The following URB2 variants were observed in gnomAD, a reference collection of about 807,000 sequenced individuals.
The protein encoded by URB2 is unhealthy ribosome biogenesis protein 2 homolog.
Under a neutral mutation model 120.9 loss-of-function variants are expected in URB2, and 86 were observed. That is an observed-to-expected ratio of 0.71 (90% CI 0.60 to 0.85). The LOEUF is 0.85. Ranked by LOEUF, URB2 falls within the 40% of genes least tolerant of loss-of-function variation. The pLI is 0.00. For synonymous variants in URB2, 755 were observed against 758.4 expected (o/e 1.00, Z 0.07); for missense variants, 1,765 against 1,836.5 (o/e 0.96, Z 0.71).
chr1:229,637,532 T>A lies in URB2; in HGVS notation c.2919T>A (p.Val973=). ...TGTATGGTAGTGATATTTTTGAGGT[T>A]GTACTGACCTCATTGTTCAGAGCTA... The part of the protein sequence containing the change: ...KIMYGSDIFE[V]VLTSLFRASS... The change falls in exon 4 of 10, where the codon GTT becomes GTA. Residue 973 remains valine, a synonymous_variant. Transcript: ENST00000258243. The A allele has an allele frequency of 6.2e-7, 1 of 1,614,230 alleles. No individual in the cohort carries two copies. The highest frequency in any genetic ancestry group is 1.1e-5 in the South Asian group (1 of 91,086).
At position 229,635,842 on chromosome 1, in the gene URB2, G is replaced by A. The variant is rs139241970; in HGVS notation, c.1229G>A (p.Arg410His). Reference protein sequence around the residue: ...HAQAPIPAWFRCLKTLISLNH... With the variant: ...HAQAPIPAWFHCLKTLISLNH... ...CAAGCACCCATACCGGCCTGGTTCC[G>A]CTGTCTGAAGACTTTGATATCTCTG... is the stretch of plus-strand genomic sequence containing the variant. Residue 410 changes from arginine to histidine, a missense_variant, in exon 4 of 10, where the codon CGC becomes CAC. By Grantham distance (29) the Arg-to-His change is conservative (BLOSUM62 0). Transcript: ENST00000258243. 128 of 1,613,960 alleles carry A rather than the reference G, an allele frequency of 7.9e-5. No individual in the cohort carries two copies. The highest frequency in any genetic ancestry group is 1.0e-4 in the Non-Finnish European group (122 of 1,179,964).
chr1:229,634,752 G>A (rs1305078051), intron 3 of URB2, among the ~76,000 whole-genome samples, 165 bp from the exon 4 acceptor site: 6 of 152,138 alleles, frequency 3.9e-5, no homozygotes, highest in Non-Finnish European at 8.8e-5. Flanking sequence ...TTATTTTGAT[G>A]CACTAAGCTT....
rs765784205 is a variant in URB2 at position 229,635,660 on chromosome 1, C to T, written c.1047C>T (p.Ser349=). The T allele has an allele frequency of 5.0e-6, 8 of 1,614,126 alleles. No individual in the cohort carries two copies. In the South Asian group the frequency reaches 8.8e-5, roughly 18 times the overall value. ...AGGAGGAGCAGAGCAAAGCCCTGTC[C>T]ACATCAGATTGGACCACAGAGCTTT... The part of the protein sequence containing the change: ...HLQEEQSKAL[S]TSDWTTELLV... The change falls in exon 4 of 10, where the codon TCC becomes TCT. Residue 349 remains serine, a synonymous_variant. Transcript: ENST00000258243.
chr1:229,647,606 G>A lies in URB2; in HGVS notation c.4003G>A (p.Glu1335Lys). 1 of 1,614,174 alleles carries A rather than the reference G, an allele frequency of 6.2e-7. No homozygotes were observed. Among genetic ancestry groups the A allele is most frequent in the South Asian group, 1.1e-5 (1 of 91,072 alleles). The change falls in exon 7 of 10, where the codon GAG becomes AAG. Residue 1335 changes from glutamate to lysine, a missense_variant. Glu to Lys is a moderately conservative substitution (Grantham distance 56). Coordinates refer to ENST00000258243, the MANE Select transcript of URB2 (RefSeq NM_014777.4). ...VLAALLRQGE[E>K]AIGNPHHVSL... ...GGCTGCACTGCTGCGGCAGGGGGAG[G>A]AGGCCATCGGCAACCCCCACCACGT...
chr1:229,631,000 AAAAAAG>A (rs1171819809), intron 2 of URB2, among the ~76,000 whole-genome samples: 157 of 151,460 alleles, frequency 1.0e-3, no homozygotes, highest in Non-Finnish European at 1.5e-3. Flanking sequence ...AAAAAAAAAA[AAAAAAG>A]AAAGTCCTGA....
intron 5 of URB2, among the ~76,000 whole-genome samples, chr1:229,644,098 A>G (rs182341895): frequency 5.9e-5 from 9 of 152,152 alleles, no homozygotes; most frequent in Admixed American, 5.2e-4. Flanking sequence ...AGGTTAGCCT[A>G]CCCCCTTCAG....
intron 9 of URB2, 108 bp downstream of exon 9, chr1:229,654,496 G>T (rs1666360202): frequency 6.6e-7 from 1 of 1,507,936 alleles, no homozygotes; most frequent in Non-Finnish European, 9.1e-7. Context: ...GTTCTCTGTT[G>T]CTGTGTGCAA....
At chr1:229,640,797 G>C (rs1233560272) in intron 4 of URB2, among the ~76,000 whole-genome samples, 1 of 152,094 alleles carries the variant, frequency 6.6e-6, no homozygotes, top group East Asian at 1.9e-4. Flanking sequence ...ACATTGTTCT[G>C]TCTTATTGTG....
intron 8 of URB2, among the ~76,000 whole-genome samples, chr1:229,652,878 G>A (rs934562234): frequency 6.6e-6 from 1 of 152,264 alleles, no homozygotes; most frequent in African/African-American, 2.4e-5. Context: ...CTGGGACTCT[G>A]TGCTGTGTTC....
In URB2 at chr1:229,635,861, A is replaced by G. The variant is rs147526365; in HGVS notation, c.1248A>G (p.Ile416Met). The G allele has an allele frequency of 2.0e-5, 32 of 1,614,164 alleles. No homozygotes were observed. In the African/African-American group the frequency reaches 3.2e-4, roughly 16 times the overall value. ...PAWFRCLKTL[I>M]SLNHLILEPD... is the part of the protein sequence containing the mutation. ...GGTTCCGCTGTCTGAAGACTTTGAT[A>G]TCTCTGAATCATTTGATTTTGGAGC... is the stretch of plus-strand genomic sequence containing the variant. Residue 416 changes from isoleucine to methionine, a missense_variant, in exon 4 of 10, where the codon ATA becomes ATG. Coordinates refer to ENST00000258243, the MANE Select transcript of URB2 (RefSeq NM_014777.4).
chr1:229,634,412 C>T (rs1275960205), intron 3 of URB2, among the ~76,000 whole-genome samples: 2 of 152,124 alleles, frequency 1.3e-5, no homozygotes, highest in Non-Finnish European at 2.9e-5. Flanking sequence ...ACCACGTTGG[C>T]CAGGCTGTTC....
At position 229,630,308 on chromosome 1, in the gene URB2, T is replaced by C. The variant is rs141356488; in HGVS notation, c.127-1961T>C. Among the ~76,000 whole-genome samples the C allele has an allele frequency of 6.3e-3, 967 of 152,334 alleles. 12 individuals are homozygous for C. Among genetic ancestry groups the C allele is most frequent in the African/African-American group, 0.021 (890 of 41,572 alleles). On this transcript the variant is annotated intron_variant, in intron 2 of 9. Transcript: ENST00000258243. Reference sequence around the variant, plus strand: ...AAGACTTGAAAGTCAAAAGTACTCCTTGATCATGGGTTGCAGAATGGATGT... The same window carrying C: ...AAGACTTGAAAGTCAAAAGTACTCCCTGATCATGGGTTGCAGAATGGATGT...
chr1:229,646,636 G>A (rs777597394), intron 6 of URB2, among the ~76,000 whole-genome samples: 2 of 152,208 alleles, frequency 1.3e-5, no homozygotes, highest in Non-Finnish European at 2.9e-5. Context: ...GGATGGGATA[G>A]TAATGTTGCA....
intron 7 of URB2, among the ~76,000 whole-genome samples, chr1:229,650,658 T>C (rs1666246437): frequency 2.6e-5 from 4 of 152,168 alleles, no homozygotes; most frequent in Admixed American, 2.0e-4. Context: ...CTCCAACTCC[T>C]GACCTCAGAT....
chr1:229,644,234 T>TA (rs1302821608), intron 5 of URB2, among the ~76,000 whole-genome samples: 1 of 152,238 alleles, frequency 6.6e-6, no homozygotes, highest in African/African-American at 2.4e-5. Context: ...AGACATCTCT[T>TA]ACGCAAGGAA....
intron 2 of URB2, among the ~76,000 whole-genome samples, chr1:229,629,005 G>A (rs983500324): frequency 1.3e-5 from 2 of 152,214 alleles, no homozygotes; most frequent in African/African-American, 4.8e-5. Flanking sequence ...ACAAAGGGGA[G>A]GCTCTAGCAG....
intron 9 of URB2, among the ~76,000 whole-genome samples, chr1:229,657,969 T>C (rs1338292609): frequency 6.6e-6 from 1 of 152,230 alleles, no homozygotes; most frequent in East Asian, 1.9e-4. Context: ...ATCAGCCAAA[T>C]TCCAGGCCTG....
Position 229,635,943 on chromosome 1 carries a change from C to A in URB2, c.1330C>A (p.Arg444=). The A allele has an allele frequency of 6.2e-7, 1 of 1,614,184 alleles. No individual in the cohort carries two copies. The highest frequency in any genetic ancestry group is 1.3e-5 in the African/African-American group (1 of 75,054). ...GATCGATGCCGAGGTAACAGAGTTTCGAACCAAAAAAGCCCAGGAGGCGCT... is the reference window on the plus strand; with the variant it reads ...GATCGATGCCGAGGTAACAGAGTTTAGAACCAAAAAAGCCCAGGAGGCGCT... ...AWIDAEVTEF[R]TKKAQEALIR... Residue 444 remains arginine, a synonymous_variant, in exon 4 of 10, where the codon CGA becomes AGA. Transcript: ENST00000258243.
chr1:229,657,240 CTT>C (rs1558174259), intron 9 of URB2, among the ~76,000 whole-genome samples: 1 of 152,158 alleles, frequency 6.6e-6, no homozygotes, highest in African/African-American at 2.4e-5. Context: ...GAAATTGACT[CTT>C]TTCTTGTTTT....
Sources: allele counts gnomAD v4.1 joint callset (sites outside exome capture counted in the v4.1 genomes callset), GRCh38; gene constraint gnomAD v4.1.1; transcripts MANE v1.5; gene names NCBI Gene and HGNC (gene_info 2026-07-23, HGNC 2026-07-21).